The following HSD17B12 variants were observed in gnomAD, a reference collection of about 807,000 sequenced individuals.
HSD17B12 encodes hydroxysteroid 17-beta dehydrogenase 12.
HSD17B12 carries 32 observed loss-of-function variants against 39.3 expected under a neutral mutation model. The ratio of observed to expected loss-of-function variants is 0.81; its 90% CI spans 0.61 to 1.09. HSD17B12 has a LOEUF of 1.09. Ranked by LOEUF, HSD17B12 falls within the 50% of genes least tolerant of loss-of-function variation. The pLI is 0.00. For missense variants in HSD17B12, 342 were observed against 382.9 expected, an observed-to-expected ratio of 0.89 and a Z score of 0.89; for synonymous variants, 150 against 146.7, an observed-to-expected ratio of 1.02 and a Z score of -0.16.
At chr11:43,839,437 T>C (rs537852698) in intron 8 of HSD17B12, among the ~76,000 whole-genome samples, 2 of 152,172 alleles carry the variant, frequency 1.3e-5, no homozygotes, top group Non-Finnish European at 2.9e-5. Flanking sequence ...ATTTCTAGTC[T>C]GAGGTTGCGT....
At chr11:43,851,833 C>T (rs572256137) in intron 9 of HSD17B12, among the ~76,000 whole-genome samples, 2 of 152,234 alleles carry the variant, frequency 1.3e-5, no homozygotes, top group Admixed American at 6.5e-5. Context: ...TTTTCTGTAC[C>T]GTTTTGCCTC....
the HSD17B12 span, among the ~76,000 whole-genome samples, chr11:43,648,017 A>G: frequency 6.6e-6 from 1 of 152,216 alleles, no homozygotes; most frequent in Non-Finnish European, 1.5e-5. Flanking sequence ...CTGAATGTAG[A>G]TTAAAAGATA....
At position 43,831,879 on chromosome 11, in the gene HSD17B12, T is replaced by A. The variant is rs887168968; in HGVS notation, c.536+869T>A. Among the ~76,000 whole-genome samples the A allele has an allele frequency of 6.6e-6, 1 of 152,220 alleles. No homozygotes were observed. The highest frequency in any genetic ancestry group is 1.5e-5 in the Non-Finnish European group (1 of 68,044). ...TACTCCAGGCAGGGATTACAGCTTA[T>A]GTTTATTGAGTATATAGTAAGTGCC... On this transcript the variant is annotated intron_variant, in intron 7 of 10. Transcript: ENST00000278353. This position sits in a 1 kb window ranked among gnomAD's most constrained non-coding sequence, Gnocchi z 4.1.
chr11:43,658,801 C>T, the HSD17B12 span, among the ~76,000 whole-genome samples: 1 of 152,224 alleles, frequency 6.6e-6, no homozygotes, highest in Non-Finnish European at 1.5e-5. Context: ...CAGTCCGCCC[C>T]TACTGGGGGG....
intron 1 of HSD17B12, among the ~76,000 whole-genome samples, chr11:43,690,000 CG>C (rs938338833): frequency 3.9e-5 from 6 of 152,088 alleles, no homozygotes; most frequent in African/African-American, 1.4e-4. Flanking sequence ...TTCCTCTTCA[CG>C]GAATGCTCTT....
the HSD17B12 span, among the ~76,000 whole-genome samples, chr11:43,582,437 A>G: frequency 6.6e-6 from 1 of 152,132 alleles, no homozygotes; most frequent in Non-Finnish European, 1.5e-5. Context: ...TCAGGCCTTC[A>G]CCACGCTCCC....
the HSD17B12 span, among the ~76,000 whole-genome samples, chr11:43,640,243 A>G: frequency 6.6e-6 from 1 of 152,238 alleles, no homozygotes; most frequent in East Asian, 1.9e-4. Flanking sequence ...CCCCCCCTCT[A>G]AAGTTTGAAG....
the HSD17B12 span, among the ~76,000 whole-genome samples, chr11:43,656,846 G>A: frequency 6.6e-6 from 1 of 152,180 alleles, no homozygotes. Flanking sequence ...TGGAATAGGT[G>A]TGGTGTGGTA....
chr11:43,782,844 G>A (rs1445629434), intron 3 of HSD17B12, among the ~76,000 whole-genome samples: 3 of 152,116 alleles, frequency 2.0e-5, no homozygotes, highest in African/African-American at 7.2e-5. Flanking sequence ...TTATAGTGGA[G>A]GAAACTGGCA....
the HSD17B12 span, among the ~76,000 whole-genome samples, chr11:43,570,794 T>C: frequency 1.4e-4 from 21 of 152,212 alleles, no homozygotes; most frequent in African/African-American, 5.1e-4. Context: ...ACCTAGAAAG[T>C]GTATTTTCTC....
chr11:43,745,392 T>C (rs1950403865), intron 1 of HSD17B12, among the ~76,000 whole-genome samples: 1 of 152,220 alleles, frequency 6.6e-6, no homozygotes, highest in Non-Finnish European at 1.5e-5. Context: ...AAGAGATTTC[T>C]GAGCCCTTAA....
In HSD17B12 at chr11:43,773,698, G is replaced by A. The variant is rs931582355; in HGVS notation, c.283+19577G>A. On this transcript the variant is annotated intron_variant, in intron 3 of 10. Coordinates refer to ENST00000278353, the MANE Select transcript of HSD17B12 (RefSeq NM_016142.3). The stretch of plus-strand genomic sequence containing the variant: ...AGATTAGAACCTATACTGACACATC[G>A]TTATCACCTAAAGTTCATAGTGCAG... 3.3e-5 allele frequency among the ~76,000 whole-genome samples: 5 copies of A among 152,216 alleles called. No homozygotes were observed. In the East Asian group the frequency reaches 5.8e-4, roughly 18 times the overall value.
chr11:43,733,280 G>A (rs772581942), intron 1 of HSD17B12, among the ~76,000 whole-genome samples: 2 of 152,150 alleles, frequency 1.3e-5, no homozygotes, highest in Non-Finnish European at 1.5e-5. Flanking sequence ...GATGTGATGA[G>A]TGACAAGTCA....
At chr11:43,689,761 C>T (rs1243990045) in intron 1 of HSD17B12, among the ~76,000 whole-genome samples, 1 of 151,958 alleles carries the variant, frequency 6.6e-6, no homozygotes, top group Non-Finnish European at 1.5e-5. Flanking sequence ...ACTGACCAGG[C>T]TGGTTTTGAA....
the HSD17B12 span, among the ~76,000 whole-genome samples, chr11:43,597,616 C>T: frequency 6.6e-6 from 1 of 152,072 alleles, no homozygotes; most frequent in Admixed American, 6.6e-5. Flanking sequence ...GAAAGACCTC[C>T]TGCTTTTTCG....
the HSD17B12 span, among the ~76,000 whole-genome samples, chr11:43,614,967 C>T: frequency 1.3e-5 from 2 of 152,034 alleles, no homozygotes; most frequent in Non-Finnish European, 2.9e-5. Flanking sequence ...TGCTTTTTCT[C>T]CCCTTGGTTA....
the HSD17B12 span, among the ~76,000 whole-genome samples, chr11:43,573,714 C>T: frequency 1.3e-5 from 2 of 152,230 alleles, no homozygotes. Flanking sequence ...GTGCCCTGCT[C>T]TGTATAGTTT....
chr11:43,803,446 C>A (rs1211190406), intron 4 of HSD17B12, among the ~76,000 whole-genome samples: 1 of 152,056 alleles, frequency 6.6e-6, no homozygotes, highest in African/African-American at 2.4e-5. Context: ...CTAGTAAGAC[C>A]TAGGAATCCA....
intron 6 of HSD17B12, among the ~76,000 whole-genome samples, chr11:43,818,427 C>T (rs1951150840): frequency 6.6e-6 from 1 of 152,086 alleles, no homozygotes; most frequent in African/African-American, 2.4e-5. Flanking sequence ...ACCATTTTTT[C>T]TTATATTGTA....
Sources: gnomAD v4.1 joint callset for allele counts (sites outside exome capture counted in the v4.1 genomes callset) on GRCh38, gnomAD v4.1.1 for gene constraint, Gnocchi (gnomAD v3.1) non-coding constraint, MANE v1.5 for transcripts, NCBI Gene and HGNC (gene_info 2026-07-23, HGNC 2026-07-21) for gene names.